The following AKR1C3 variants were observed in gnomAD, a reference collection of about 807,000 sequenced individuals.
AKR1C3 encodes aldo-keto reductase family 1 member C3.
AKR1C3 carries 48 observed loss-of-function variants against 43.6 expected under a neutral mutation model. The observed-to-expected ratio is 1.10, with a 90% CI of 0.87 to 1.40. The LOEUF is 1.40. Among genes scored for constraint, AKR1C3 ranks in the 40% most tolerant of loss-of-function variants. The pLI, the probability that AKR1C3 is intolerant of heterozygous loss-of-function variation, is 0.00. For synonymous variants in AKR1C3, 162 were observed against 139.6 expected, an observed-to-expected ratio of 1.16 and a Z score of -1.13; for missense variants, 482 against 391.2, an observed-to-expected ratio of 1.23 and a Z score of -1.96.
chr10:5,087,565 G>A (rs542739759), intron 1 of AKR1C3, among the ~76,000 whole-genome samples: 4 of 151,556 alleles, frequency 2.6e-5, no homozygotes, highest in South Asian at 4.2e-4. Flanking sequence ...TAGTAGAGGC[G>A]GGGTTTCACC....
chr10:5,094,199 A>G, upstream of AKR1C3: 1 of 254,378 alleles, frequency 3.9e-6, no homozygotes, highest in Non-Finnish European at 7.6e-6. Flanking sequence ...GATAGAAATT[A>G]ATGAGTTTAT....
At chr10:5,052,267 C>T (rs1838168825) in intron 1 of AKR1C3, among the ~76,000 whole-genome samples, 1 of 152,020 alleles carries the variant, frequency 6.6e-6, no homozygotes, top group Non-Finnish European at 1.5e-5. Flanking sequence ...AGCTGCAGAC[C>T]TTCATGGTGT....
intron 1 of AKR1C3, among the ~76,000 whole-genome samples, chr10:5,071,574 C>A (rs1490746496): frequency 6.6e-6 from 1 of 152,192 alleles, no homozygotes; most frequent in African/African-American, 2.4e-5. Context: ...TAGGCCTCGC[C>A]TTGGTCTGTA....
chr10:5,048,924 T>C, intron 1 of AKR1C3: 3 of 1,587,314 alleles, frequency 1.9e-6, no homozygotes, highest in South Asian at 1.1e-5. Flanking sequence ...GTGCAGAGAG[T>C]TGAAAAGAGC....
intron 1 of AKR1C3, among the ~76,000 whole-genome samples, chr10:5,069,989 C>T (rs1399681398): frequency 1.3e-5 from 2 of 152,136 alleles, no homozygotes; most frequent in Non-Finnish European, 2.9e-5. Context: ...CTTCAATTTT[C>T]AAGGAGCTGC....
At chr10:5,050,408 G>A (rs993882285) in intron 1 of AKR1C3, among the ~76,000 whole-genome samples, 11 of 152,198 alleles carry the variant, frequency 7.2e-5, no homozygotes, top group Non-Finnish European at 1.5e-4. Context: ...CCAACAAAAG[G>A]CATTTACTAT....
At chr10:5,052,196 G>C (rs1358122142) in intron 1 of AKR1C3, among the ~76,000 whole-genome samples, 1 of 152,140 alleles carries the variant, frequency 6.6e-6, no homozygotes, top group East Asian at 1.9e-4. Flanking sequence ...TCTTAAGGTG[G>C]CACGTCTGGA....
chr10:5,052,573 C>T lies in AKR1C3; in HGVS notation c.84+3678C>T, dbSNP rs11252904. Among the ~76,000 whole-genome samples the T allele has an allele frequency of 9.3e-4, 142 of 152,130 alleles. 1 individual carries two copies. In the East Asian group the frequency reaches 0.026, roughly 27 times the overall value. On this transcript the variant is annotated intron_variant, in intron 1 of 8. Transcript: ENST00000439082. Reference sequence around the variant, plus strand: ...GACACAAAGGTTCTCCAAGTCCCCACCAGAGTAGCTAGAGTGTCGATTGGT... The same window carrying T: ...GACACAAAGGTTCTCCAAGTCCCCATCAGAGTAGCTAGAGTGTCGATTGGT...
At chr10:5,089,550 T>C (rs1839041305), upstream of AKR1C3, among the ~76,000 whole-genome samples, 1 of 152,140 alleles carries the variant, frequency 6.6e-6, no homozygotes, top group South Asian at 2.1e-4. Flanking sequence ...AGATTTAAAC[T>C]GTATTTTAAA....
At chr10:5,049,672 A>G (rs948338932) in intron 1 of AKR1C3, among the ~76,000 whole-genome samples, 1 of 152,296 alleles carries the variant, frequency 6.6e-6, no homozygotes, top group Non-Finnish European at 1.5e-5. Context: ...TGAGACTACT[A>G]TGTTTGTGAT....
intron 7 of AKR1C3, among the ~76,000 whole-genome samples, chr10:5,103,297 T>A (rs1839405624): frequency 1.3e-5 from 2 of 151,796 alleles, no homozygotes; most frequent in South Asian, 4.2e-4. Flanking sequence ...ATTTCACATA[T>A]TTATTCACTT....
chr10:5,072,916 C>T (rs1554781460), intron 1 of AKR1C3, among the ~76,000 whole-genome samples: 2 of 152,048 alleles, frequency 1.3e-5, no homozygotes, highest in Non-Finnish European at 2.9e-5. Flanking sequence ...TAGCATGTTA[C>T]CTGTGATGCA....
Position 5,102,505 on chromosome 10 carries a change from T to C in AKR1C3, c.701T>C (p.Val234Ala). 1.3e-6 allele frequency: 2 copies of C among 1,564,228 alleles called. No individual in the cohort carries two copies. The highest frequency in any genetic ancestry group is 2.2e-5 in the East Asian group (1 of 44,496). The change falls in exon 7 of 9, where the codon GTG (valine) becomes GCG (alanine). Residue 234 changes from valine (V) to alanine (A), a missense_variant. Coordinates refer to ENST00000380554, the MANE Select transcript of AKR1C3 (RefSeq NM_003739.6). ...DKRWVDPNSP[V>A]LLEDPVLCAL... The stretch of plus-strand genomic sequence containing the variant: ...TCCAGGGTGGACCCGAACTCCCCGG[T>C]GCTCTTGGAGGACCCAGTCCTTTGT...
chr10:5,055,209 A>C (rs1351574892), intron 1 of AKR1C3, among the ~76,000 whole-genome samples: 2 of 152,230 alleles, frequency 1.3e-5, no homozygotes, highest in African/African-American at 2.4e-5. Flanking sequence ...TCCACAAATG[A>C]ACTGCCAACT....
chr10:5,061,677 C>T (rs1180326271), intron 1 of AKR1C3, among the ~76,000 whole-genome samples: 2 of 152,204 alleles, frequency 1.3e-5, no homozygotes, highest in Non-Finnish European at 2.9e-5. Context: ...TGCCCAATTA[C>T]AGTATTGACC....
intron 1 of AKR1C3, among the ~76,000 whole-genome samples, chr10:5,061,536 G>A (rs55687507): frequency 0.13 from 20,490 of 152,122 alleles, 1,716 homozygotes; most frequent in South Asian, 0.23. Context: ...GAAGGAGGGG[G>A]TTGAGTACAT....
At chr10:5,064,307 C>T (rs1263378896) in intron 1 of AKR1C3, among the ~76,000 whole-genome samples, 3 of 152,084 alleles carry the variant, frequency 2.0e-5, no homozygotes, top group Non-Finnish European at 4.4e-5. Flanking sequence ...ACGAGTGATG[C>T]TGTGATGACT....
At chr10:5,049,771 T>A (rs1422666741) in intron 1 of AKR1C3, among the ~76,000 whole-genome samples, 1 of 152,204 alleles carries the variant, frequency 6.6e-6, no homozygotes, top group Non-Finnish European at 1.5e-5. Context: ...TCATAGGAGC[T>A]TGCACTGTAT....
At chr10:5,100,524 A>G (rs1554785791) in intron 5 of AKR1C3, among the ~76,000 whole-genome samples, 1 of 152,158 alleles carries the variant, frequency 6.6e-6, no homozygotes. Context: ...GTTATTGTTA[A>G]TGATTCCAGG....
Sources: allele counts gnomAD v4.1 joint callset (sites outside exome capture counted in the v4.1 genomes callset), GRCh38; gene constraint gnomAD v4.1.1; transcripts MANE v1.5; gene names NCBI Gene and HGNC (gene_info 2026-07-23, HGNC 2026-07-21).